The following SLC25A21 variants were observed in gnomAD, a reference collection of about 807,000 sequenced individuals.
The protein encoded by SLC25A21 is solute carrier family 25 member 21, also known as mitochondrial 2-oxodicarboxylate carrier.
A neutral mutation model predicts 43.8 loss-of-function variants in SLC25A21; 47 were observed. That is an observed-to-expected ratio of 1.07 (90% confidence interval 0.85 to 1.37). SLC25A21 has a LOEUF of 1.37. SLC25A21 is among the 40% of genes most tolerant of loss of function. SLC25A21 has a pLI of 0.00. For missense variants in SLC25A21, 352 were observed against 350.2 expected (o/e 1.00, Z -0.04); for synonymous variants, 131 against 121.3 (o/e 1.08, Z -0.52).
At chr14:36,855,068 C>T (rs143424274) in intron 2 of SLC25A21, among the ~76,000 whole-genome samples, 68 of 152,098 alleles carry the variant, frequency 4.5e-4, no homozygotes, top group African/African-American at 1.6e-3. Flanking sequence ...ATATTATCAT[C>T]ACAATCTGAT....
At chr14:36,815,497 G>C (rs1376731827) in intron 2 of SLC25A21, among the ~76,000 whole-genome samples, 1 of 152,174 alleles carries the variant, frequency 6.6e-6, no homozygotes, top group African/African-American at 2.4e-5. Context: ...GATGGAACAA[G>C]GTTGATCATT....
At chr14:36,726,443 A>T (rs1292654128) in intron 5 of SLC25A21, among the ~76,000 whole-genome samples, 1 of 143,806 alleles carries the variant, frequency 7.0e-6, no homozygotes, top group Non-Finnish European at 1.5e-5. Flanking sequence ...AAATAAAATA[A>T]AAAAAAAAAG....
At chr14:36,688,215 C>G (rs1882636558) in intron 7 of SLC25A21, among the ~76,000 whole-genome samples, 1 of 152,222 alleles carries the variant, frequency 6.6e-6, no homozygotes. Context: ...TTAAATCCCA[C>G]TAACCCAAGA....
At chr14:37,101,012 A>G (rs1461340609) in intron 1 of SLC25A21, among the ~76,000 whole-genome samples, 28 of 152,226 alleles carry the variant, frequency 1.8e-4, no homozygotes, top group Admixed American at 1.8e-3. Context: ...CCTAGCAATT[A>G]TAAACTAAGA....
chr14:37,137,042 C>T (rs1156695811), intron 1 of SLC25A21, among the ~76,000 whole-genome samples: 1 of 152,082 alleles, frequency 6.6e-6, no homozygotes. Context: ...GCTCTGTCGC[C>T]CAGGCTGGGG....
At chr14:36,683,431 T>C (rs1882381891) in intron 9 of SLC25A21, among the ~76,000 whole-genome samples, 1 of 152,194 alleles carries the variant, frequency 6.6e-6, no homozygotes, top group South Asian at 2.1e-4. Flanking sequence ...TGAAATGAAG[T>C]TGAGGCAGGA....
intron 1 of SLC25A21, among the ~76,000 whole-genome samples, chr14:37,110,573 G>C (rs1301584648): frequency 6.6e-6 from 1 of 152,096 alleles, no homozygotes; most frequent in Non-Finnish European, 1.5e-5. Context: ...ACAGGAGAGA[G>C]AGCAATTAGG....
intron 1 of SLC25A21, among the ~76,000 whole-genome samples, chr14:37,149,323 G>A (rs1489964717): frequency 6.6e-6 from 1 of 152,030 alleles, no homozygotes; most frequent in Non-Finnish European, 1.5e-5. Context: ...GCTTTATGAG[G>A]CAAACCTAAT....
intron 3 of SLC25A21, among the ~76,000 whole-genome samples, chr14:36,789,982 T>A (rs1452957361): frequency 1.5e-5 from 2 of 132,436 alleles, no homozygotes; most frequent in African/African-American, 2.9e-5. Context: ...ATTAAAAATA[T>A]ATATATATTT....
chr14:36,786,652 T>C (rs1465450642), intron 3 of SLC25A21, among the ~76,000 whole-genome samples: 1 of 152,242 alleles, frequency 6.6e-6, no homozygotes, highest in Non-Finnish European at 1.5e-5. Flanking sequence ...CTCTAATTTT[T>C]TTTCTCTTGA....
chr14:36,688,508 CCT>C (rs1180445305), intron 7 of SLC25A21, among the ~76,000 whole-genome samples: 2 of 152,206 alleles, frequency 1.3e-5, no homozygotes, highest in East Asian at 1.9e-4. Context: ...TACCCAGACC[CCT>C]GTTACCCCTG....
intron 3 of SLC25A21, among the ~76,000 whole-genome samples, chr14:36,801,045 C>T (rs965794059): frequency 4.6e-5 from 7 of 152,248 alleles, no homozygotes; most frequent in East Asian, 1.9e-4. Flanking sequence ...TTTACTTATG[C>T]TTTGTCCCTA....
Position 36,709,145 on chromosome 14 carries a change from T to C in SLC25A21, c.603+2173A>G, listed in dbSNP as rs149059271. On this transcript the variant is annotated intron_variant, in intron 7 of 9. Coordinates refer to ENST00000331299, the MANE Select transcript of SLC25A21 (RefSeq NM_030631.4). ...GCCTCAGCCTCCCGAGTAGCTGGGA[T>C]TACAGGCATGTGCCATGATGCCCAG... 3.0e-4 allele frequency among the ~76,000 whole-genome samples: 46 copies of C among 152,252 alleles called. 1 individual carries two copies. In the East Asian group the frequency reaches 8.3e-3, roughly 28 times the overall value.
chr14:36,826,997 G>A (rs775145442), intron 2 of SLC25A21, among the ~76,000 whole-genome samples: 9 of 152,206 alleles, frequency 5.9e-5, no homozygotes, highest in African/African-American at 2.4e-5. Context: ...GGATGAGGAC[G>A]AGGACGAGGA....
intron 1 of SLC25A21, among the ~76,000 whole-genome samples, chr14:37,158,731 G>A (rs1311171381): frequency 2.0e-5 from 3 of 152,028 alleles, no homozygotes; most frequent in Admixed American, 6.6e-5. Flanking sequence ...AGTCCTAACC[G>A]AAGCAATCAG....
At chr14:36,801,424 C>G (rs918561899) in intron 3 of SLC25A21, among the ~76,000 whole-genome samples, 1 of 152,072 alleles carries the variant, frequency 6.6e-6, no homozygotes, top group Admixed American at 6.6e-5. Flanking sequence ...CTCCTCAGCC[C>G]AGACGTGGCT....
chr14:37,167,257 CT>C (rs2138957669), intron 1 of SLC25A21, among the ~76,000 whole-genome samples: 1 of 152,268 alleles, frequency 6.6e-6, no homozygotes, highest in Admixed American at 6.5e-5. Context: ...GACCTTCCCC[CT>C]CTATAGAGTC....
intron 1 of SLC25A21, among the ~76,000 whole-genome samples, chr14:37,144,966 T>TG (rs1318713336): frequency 6.6e-6 from 1 of 152,050 alleles, no homozygotes; most frequent in East Asian, 1.9e-4. Flanking sequence ...TTTGTTTGTT[T>TG]TTAATATTTG....
chr14:36,964,953 G>A (rs1959579646), intron 1 of SLC25A21, among the ~76,000 whole-genome samples: 1 of 151,950 alleles, frequency 6.6e-6, no homozygotes, highest in Non-Finnish European at 1.5e-5. Context: ...TATATAAATA[G>A]ATGATAAACT....
Sources: gnomAD v4.1 joint callset for allele counts (sites outside exome capture counted in the v4.1 genomes callset) on GRCh38, gnomAD v4.1.1 for gene constraint, MANE v1.5 for transcripts, NCBI Gene and HGNC (gene_info 2026-07-23, HGNC 2026-07-21) for gene names.